PAX7: variants seen among roughly 807,000 people sequenced by gnomAD.
PAX7 encodes paired box 7, also known as paired box protein Pax-7.
A neutral mutation model predicts 50.7 loss-of-function variants in PAX7; 18 were observed. That is an observed-to-expected ratio of 0.36 (90% CI 0.25 to 0.53). PAX7 has a LOEUF of 0.53. PAX7 is among the 20% of genes least tolerant of loss of function. The pLI is 0.93. For synonymous variants in PAX7, 310 were observed against 290.4 expected (o/e 1.07, Z -0.69); for missense variants, 644 against 702.9 (o/e 0.92, Z 0.95).
chr1:18,682,222 G>A (rs994361881), intron 4 of PAX7, among the ~76,000 whole-genome samples: 1 of 152,140 alleles, frequency 6.6e-6, no homozygotes, highest in African/African-American at 2.4e-5. Context: ...CTCAGTCACT[G>A]GGAGAGAGTG....
At position 18,745,619 on chromosome 1, in the gene PAX7, G is replaced by A. The variant is rs1236170784; in HGVS notation, c.*690G>A. On this transcript the variant is annotated 3_prime_UTR_variant, in exon 9 of 9. Transcript: ENST00000420770. The stretch of plus-strand genomic sequence containing the variant: ...GGGAGACTGGGGAGACCAGGAAGAG[G>A]CTTAACCAGAGGGTAGGGGCACATG... 4 of 230,812 alleles carry A rather than the reference G, an allele frequency of 1.7e-5. No individual in the cohort carries two copies. Among genetic ancestry groups the A allele is most frequent in the Non-Finnish European group, 8.6e-6 (1 of 116,630 alleles). The allele number at this position is 230,812 out of a possible 1,614,324, so 14.3% of individuals were successfully genotyped here.
intron 7 of PAX7, among the ~76,000 whole-genome samples, chr1:18,711,640 G>A (rs916145008): frequency 3.9e-5 from 6 of 152,258 alleles, no homozygotes; most frequent in Admixed American, 6.5e-5. Flanking sequence ...GGGGAAGGAC[G>A]AGCTGATGGA....
chr1:18,737,506 T>C (rs1026484359), intron 8 of PAX7, among the ~76,000 whole-genome samples: 2 of 152,268 alleles, frequency 1.3e-5, no homozygotes, highest in African/African-American at 4.8e-5. Flanking sequence ...TGTTTGTGAG[T>C]ACGTATGTTG....
At chr1:18,687,447 C>T (rs2088993645) in intron 4 of PAX7, among the ~76,000 whole-genome samples, 1 of 152,134 alleles carries the variant, frequency 6.6e-6, no homozygotes, top group Admixed American at 6.5e-5. Flanking sequence ...CCCGCCAATC[C>T]CTCTCCAGGG....
intron 7 of PAX7, among the ~76,000 whole-genome samples, chr1:18,731,805 A>G (rs2089650648): frequency 6.6e-6 from 1 of 152,154 alleles, no homozygotes; most frequent in Non-Finnish European, 1.5e-5. Context: ...CCCATTGAGC[A>G]AATCCCATTA....
At chr1:18,730,490 C>T (rs533444462) in intron 7 of PAX7, among the ~76,000 whole-genome samples, 1 of 152,182 alleles carries the variant, frequency 6.6e-6, no homozygotes, top group South Asian at 2.1e-4. Context: ...GGCCCTGTGC[C>T]TCCCTCTTCC....
intron 7 of PAX7, among the ~76,000 whole-genome samples, chr1:18,717,305 C>G (rs2089439103): frequency 6.6e-6 from 1 of 152,178 alleles, no homozygotes; most frequent in African/African-American, 2.4e-5. Flanking sequence ...CGTCTCGGGA[C>G]GGGGCAGGCG....
At position 18,634,308 on chromosome 1, in the gene PAX7, A is replaced by C; in HGVS notation, c.91A>C (p.Thr31Pro). The C allele has an allele frequency of 6.8e-6, 11 of 1,613,128 alleles. No homozygotes were observed. The highest frequency in any genetic ancestry group is 8.5e-6 in the Non-Finnish European group (10 of 1,179,742). The change falls in exon 2 of 9, where the codon ACC (threonine) becomes CCC (proline). Residue 31 changes from threonine (T) to proline (P), a missense_variant. By Grantham distance (38) the Thr-to-Pro change is conservative. Coordinates refer to ENST00000420770, the MANE Select transcript of PAX7 (RefSeq NM_001135254.2). This position sits in a 1 kb window ranked among gnomAD's most constrained non-coding sequence, Gnocchi z 4.0. ...ATCTCCCCTCCCTTCTCCAGTGTCC[A>C]CCCCGCTTGGCCAAGGCCGGGTCAA... ...PRTGFPLEVS[T>P]PLGQGRVNQL...
chr1:18,700,674 G>A lies in PAX7; in HGVS notation c.808G>A (p.Ala270Thr), dbSNP rs745583358. 3.8e-6 allele frequency: 6 copies of A among 1,576,464 alleles called. No homozygotes were observed. Among genetic ancestry groups the A allele is most frequent in the Non-Finnish European group, 5.2e-6 (6 of 1,162,574 alleles). The part of the protein sequence containing the change: ...RVQVWFSNRR[A>T]RWRKQAGANQ... ...CCAGGTCTGGTTCAGTAACCGCCGC[G>A]CCCGTTGGCGTAAGCAGGCAGGAGC... The change falls in exon 6 of 9, where the codon GCC (alanine) becomes ACC (threonine). Residue 270 changes from alanine to threonine, a missense_variant. Coordinates refer to ENST00000420770, the MANE Select transcript of PAX7 (RefSeq NM_001135254.2). This position sits in a 1 kb window ranked among gnomAD's most constrained non-coding sequence, Gnocchi z 4.8.
intron 4 of PAX7, among the ~76,000 whole-genome samples, chr1:18,679,786 C>T (rs940703411): frequency 6.6e-6 from 1 of 152,224 alleles, no homozygotes; most frequent in Non-Finnish European, 1.5e-5. Flanking sequence ...AAGGCATGTT[C>T]ATTCATTCAG....
chr1:18,703,212 C>T lies in PAX7; in HGVS notation c.1071C>T (p.Ser357=). Residue 357 remains serine, a synonymous_variant, in exon 7 of 9, where the codon AGC becomes AGT. Transcript: ENST00000420770. ...GCTCTGCCTACGGAGCCCGCCACAG[C>T]TTCTCCAGCTACTCTGACAGCTTCA... is the stretch of plus-strand genomic sequence containing the variant. The part of the protein sequence containing the change: ...DTSSAYGARH[S]FSSYSDSFMN... 3 of 1,614,212 alleles carry T rather than the reference C, an allele frequency of 1.9e-6. No homozygotes were observed. The highest frequency in any genetic ancestry group is 2.5e-6 in the Non-Finnish European group (3 of 1,180,034).
intron 8 of PAX7, among the ~76,000 whole-genome samples, chr1:18,740,332 C>T (rs958869893): frequency 1.3e-5 from 2 of 152,180 alleles, no homozygotes; most frequent in African/African-American, 4.8e-5. Context: ...CAAGCTCCTA[C>T]TGTGTGCTGG....
At chr1:18,680,078 T>G (rs1215749929) in intron 4 of PAX7, among the ~76,000 whole-genome samples, 2 of 152,210 alleles carry the variant, frequency 1.3e-5, no homozygotes, top group Non-Finnish European at 2.9e-5. Flanking sequence ...TGTCCTCATT[T>G]TACAGATGAG....
chr1:18,703,352 G>T, intron 7 of PAX7, 56 bp downstream of exon 7: 1 of 1,494,476 alleles, frequency 6.7e-7, no homozygotes. Flanking sequence ...TCAGACATCT[G>T]CAGACAGCAC....
chr1:18,683,312 A>T (rs2088925701), intron 4 of PAX7, among the ~76,000 whole-genome samples: 1 of 152,198 alleles, frequency 6.6e-6, no homozygotes, highest in African/African-American at 2.4e-5. Flanking sequence ...AGGAAGGCTT[A>T]CCTGTCCCCG....
intron 4 of PAX7, among the ~76,000 whole-genome samples, chr1:18,684,820 C>A (rs1434078085): frequency 1.3e-5 from 2 of 152,032 alleles, no homozygotes; most frequent in Admixed American, 6.6e-5. Context: ...GAGAGGGGAG[C>A]GCAGAAGCAG....
chr1:18,738,954 T>A (rs1376103434), intron 8 of PAX7, among the ~76,000 whole-genome samples: 1 of 152,196 alleles, frequency 6.6e-6, no homozygotes, highest in African/African-American at 2.4e-5. Context: ...CGCTAACCAC[T>A]TGCCCCACAT....
chr1:18,702,236 G>A (rs2089231673), intron 6 of PAX7, among the ~76,000 whole-genome samples: 1 of 152,132 alleles, frequency 6.6e-6, no homozygotes, highest in Admixed American at 6.5e-5. Flanking sequence ...CTACTCAGGA[G>A]GCTGAGGCAG....
intron 5 of PAX7, among the ~76,000 whole-genome samples, chr1:18,694,927 C>T (rs35745961): frequency 0.082 from 9,703 of 118,970 alleles, 492 homozygotes; most frequent in East Asian, 0.29. Context: ...GACCTCAAAG[C>T]CCCCTGAGTA....
Sources: allele counts gnomAD v4.1 joint callset (sites outside exome capture counted in the v4.1 genomes callset), GRCh38; gene constraint gnomAD v4.1.1; non-coding constraint Gnocchi (gnomAD v3.1); transcripts MANE v1.5; gene names NCBI Gene and HGNC (gene_info 2026-07-23, HGNC 2026-07-21).